Variants in KSR2 observed in about 807,000 individuals in gnomAD.
KSR2 encodes the protein kinase suppressor of ras 2.
A neutral mutation model predicts 107.8 loss-of-function variants in KSR2; 25 were observed. The ratio of observed to expected loss-of-function variants is 0.23; its 90% CI spans 0.17 to 0.32. The LOEUF is 0.32. Among genes scored for constraint, KSR2 ranks in the 10% least tolerant of loss-of-function variants. The probability of loss-of-function intolerance (pLI) is 1.00; values close to 1 mark genes in which losing one functional copy is unlikely to be tolerated. For synonymous variants in KSR2, 480 were observed against 507.0 expected, an observed-to-expected ratio of 0.95 and a Z score of 0.71; for missense variants, 887 against 1,268.9, an observed-to-expected ratio of 0.70 and a Z score of 4.57.
intron 4 of KSR2, among the ~76,000 whole-genome samples, chr12:117,705,702 T>C (rs1886496852): frequency 6.6e-6 from 1 of 152,208 alleles, no homozygotes; most frequent in South Asian, 2.1e-4. Flanking sequence ...CCTGATAGAT[T>C]GGGCCATAAC....
intron 9 of KSR2, among the ~76,000 whole-genome samples, chr12:117,550,981 G>T (rs4767564): frequency 0.81 from 123,014 of 152,164 alleles, 49,865 homozygotes; most frequent in African/African-American, 0.84. Context: ...CTCATTTTGC[G>T]GAGCCAGCCT....
intron 7 of KSR2, among the ~76,000 whole-genome samples, chr12:117,572,787 G>A (rs765803376): frequency 5.3e-5 from 8 of 151,944 alleles, no homozygotes; most frequent in Non-Finnish European, 1.2e-4. Context: ...CCCAAATCAC[G>A]TTGTGCATTT....
In KSR2 at chr12:117,772,361, AC is replaced by A. The variant is rs1273310781; in HGVS notation, c.473-10838del. 1.4e-5 allele frequency among the ~76,000 whole-genome samples: 2 copies of A among 145,110 alleles called. 1 individual carries two copies. The highest frequency in any genetic ancestry group is 5.3e-5 in the African/African-American group (2 of 38,060). ...ACACACCATTCCCCCAAAGACGCAC[AC>A]ACACTCACACATACACACCATTCCA... On this transcript the variant is annotated intron_variant, in intron 3 of 19. Transcript: ENST00000339824.
At chr12:117,629,173 C>A (rs1475235901) in intron 5 of KSR2, among the ~76,000 whole-genome samples, 1 of 152,218 alleles carries the variant, frequency 6.6e-6, no homozygotes, top group Non-Finnish European at 1.5e-5. Context: ...AGTTGATGAC[C>A]CGCACTGCTT....
intron 3 of KSR2, among the ~76,000 whole-genome samples, chr12:117,850,926 C>T (rs1892898370): frequency 6.6e-6 from 1 of 152,106 alleles, no homozygotes; most frequent in Non-Finnish European, 1.5e-5. Context: ...AGCTTACAGT[C>T]TAGTGGAAAA....
At chr12:117,536,616 G>T (rs1401911245) in intron 10 of KSR2, among the ~76,000 whole-genome samples, 1 of 152,120 alleles carries the variant, frequency 6.6e-6, no homozygotes, top group Non-Finnish European at 1.5e-5. Context: ...ACAATAAATA[G>T]AATATTATAC....
intron 4 of KSR2, among the ~76,000 whole-genome samples, chr12:117,710,890 C>T (rs1051070495): frequency 3.9e-5 from 6 of 152,016 alleles, no homozygotes; most frequent in African/African-American, 1.4e-4. Context: ...AAAATCATTC[C>T]TGCCTCAAGA....
intron 3 of KSR2, among the ~76,000 whole-genome samples, chr12:117,793,020 T>A (rs1164531277): frequency 1.6e-4 from 19 of 120,010 alleles, no homozygotes; most frequent in Middle Eastern, 7.7e-3. Context: ...CAGTACGCAC[T>A]CTCACATCAA....
At chr12:117,536,137 C>G (rs547179073) in intron 10 of KSR2, among the ~76,000 whole-genome samples, 2 of 152,302 alleles carry the variant, frequency 1.3e-5, no homozygotes, top group African/African-American at 4.8e-5. Context: ...GTCAACCCCC[C>G]CAGCCCCTTT....
chr12:117,810,712 C>T lies in KSR2; in HGVS notation c.472+44716G>A, dbSNP rs1485116281. Among the ~76,000 whole-genome samples, 3 of 152,178 alleles carry T rather than the reference C, an allele frequency of 2.0e-5. No individual in the cohort carries two copies. The East Asian group carries it at 5.8e-4, about 29-fold the overall frequency. ...GCTAATATGCAGAAGAAATGAAGGA[C>T]AGATGCTGCAGTATGAAGATGGTTA... On this transcript the variant is annotated intron_variant, in intron 3 of 19. Transcript: ENST00000339824.
chr12:117,911,037 C>G (rs990165016), intron 1 of KSR2, among the ~76,000 whole-genome samples: 1 of 152,140 alleles, frequency 6.6e-6, no homozygotes, highest in African/African-American at 2.4e-5. Context: ...GCCTGATGAA[C>G]TTCTATGCAT....
intron 3 of KSR2, among the ~76,000 whole-genome samples, chr12:117,775,553 T>C (rs1889657201): frequency 6.6e-6 from 1 of 152,224 alleles, no homozygotes; most frequent in Non-Finnish European, 1.5e-5. Flanking sequence ...AAGGCCAAGA[T>C]TCAAAGTGAA....
rs11068501 is a variant in KSR2 at position 117,457,329 on chromosome 12, C to T, written c.*9870G>A. On this transcript the variant is annotated 3_prime_UTR_variant, in exon 20 of 20. Coordinates refer to ENST00000339824, the MANE Select transcript of KSR2 (RefSeq NM_173598.6). ...GGATGCTGGATTTGAATCCTAGTCG[C>T]GTGGCCTGGAGACAACTCAGGGGAC... The T allele has an allele frequency of 0.16, 24,107 of 152,182 alleles. 2,016 individuals carry two copies. The highest frequency in any genetic ancestry group is 0.19 in the East Asian group (961 of 5,180). 9.4% of individuals were successfully genotyped at this position (152,182 alleles called of 1,614,324 possible). A position where few individuals can be genotyped will look rare whatever the true frequency, so the allele number is the denominator to read the frequency against.
At chr12:117,941,608 CT>C (rs1406344964) in intron 1 of KSR2, among the ~76,000 whole-genome samples, 1 of 121,966 alleles carries the variant, frequency 8.2e-6, no homozygotes, top group Non-Finnish European at 1.7e-5. Context: ...AAATCACAGG[CT>C]TTCCTTTTTT....
intron 5 of KSR2, among the ~76,000 whole-genome samples, chr12:117,629,544 G>A (rs1213013576): frequency 6.6e-6 from 1 of 152,180 alleles, no homozygotes; most frequent in Non-Finnish European, 1.5e-5. Flanking sequence ...TTGATTTTGA[G>A]TTTCCTCGTG....
intron 4 of KSR2, among the ~76,000 whole-genome samples, chr12:117,685,247 T>C (rs995059641): frequency 6.6e-6 from 1 of 152,214 alleles, no homozygotes; most frequent in Non-Finnish European, 1.5e-5. Context: ...CTGTGATTAG[T>C]GACTAATCTT....
At chr12:117,511,108 G>C (rs930728891) in intron 14 of KSR2, among the ~76,000 whole-genome samples, 1 of 152,176 alleles carries the variant, frequency 6.6e-6, no homozygotes, top group African/African-American at 2.4e-5. Context: ...AGAAAAACTT[G>C]TGTAAGCAAA....
rs1197386597 is a variant in KSR2, at chr12:117,485,660, C to G, written c.2251G>C (p.Val751Leu). 1 of 1,613,590 alleles carries G rather than the reference C, an allele frequency of 6.2e-7. No homozygotes were observed. Among genetic ancestry groups the G allele is most frequent in the Non-Finnish European group, 8.5e-7 (1 of 1,179,578 alleles). The change falls in exon 15 of 20, where the codon GTG becomes CTG. Residue 751 changes from valine (V) to leucine (L), a missense_variant. Physicochemically the swap from Val to Leu is conservative, Grantham distance 32 (BLOSUM62 1). This residue lies in a region of KSR2 where 308 missense variants were observed against 506.2 expected (regional missense o/e 0.61). Transcript: ENST00000339824. ...LCKGRTLYSV[V>L]RDAKIVLDVN... ...TCCAAAACGATTTTGGCATCCCTCACAACGGAATAGAGCGTCCGTCCCTTA... is the reference window on the plus strand; with the variant it reads ...TCCAAAACGATTTTGGCATCCCTCAGAACGGAATAGAGCGTCCGTCCCTTA...
chr12:117,497,632 C>A (rs1219611990), intron 14 of KSR2, among the ~76,000 whole-genome samples: 2 of 152,118 alleles, frequency 1.3e-5, no homozygotes, highest in Non-Finnish European at 2.9e-5. Flanking sequence ...AGGAGACTGG[C>A]GCAATAAGTC....
Sources: allele counts gnomAD v4.1 joint callset (sites outside exome capture counted in the v4.1 genomes callset), GRCh38; gene constraint gnomAD v4.1.1; regional missense constraint gnomAD v4.1.1; transcripts MANE v1.5; gene names NCBI Gene and HGNC (gene_info 2026-07-23, HGNC 2026-07-21).